The following ANO4 variants were observed in gnomAD, a reference collection of about 807,000 sequenced individuals.
ANO4 encodes anoctamin 4.
Under a neutral mutation model 141.9 loss-of-function variants are expected in ANO4, and 69 were observed. The observed-to-expected ratio is 0.49, with a 90% CI of 0.40 to 0.59. The LOEUF (loss-of-function observed/expected upper bound fraction) is 0.59. Ranked by LOEUF, ANO4 falls within the 20% of genes least tolerant of loss-of-function variation. The pLI is 0.00. For missense variants in ANO4, 894 were observed against 1,162.2 expected, an observed-to-expected ratio of 0.77 and a Z score of 3.36; for synonymous variants, 350 against 394.3, an observed-to-expected ratio of 0.89 and a Z score of 1.33.
At chr12:100,880,601 C>T (rs2039517651) in intron 1 of ANO4, among the ~76,000 whole-genome samples, 2 of 152,262 alleles carry the variant, frequency 1.3e-5, no homozygotes, top group South Asian at 2.1e-4. Context: ...ACTTCATTCT[C>T]ACTTTAAATC....
chr12:100,997,484 T>G (rs1466170563), intron 8 of ANO4, among the ~76,000 whole-genome samples: 2 of 151,912 alleles, frequency 1.3e-5, no homozygotes, highest in African/African-American at 2.4e-5. Context: ...TGGAATTTAT[T>G]GTTAAAGCAT....
chr12:100,808,139 A>T (rs1292581033), intron 1 of ANO4, among the ~76,000 whole-genome samples: 2 of 152,184 alleles, frequency 1.3e-5, no homozygotes, highest in Admixed American at 6.5e-5. Context: ...AGGAATCGCC[A>T]CACTGACTTC....
chr12:100,926,668 T>C (rs570032077), intron 3 of ANO4, among the ~76,000 whole-genome samples: 2 of 152,088 alleles, frequency 1.3e-5, no homozygotes, highest in East Asian at 3.9e-4. Context: ...CCTTCCTCTC[T>C]ATTCTCACCC....
intron 1 of ANO4, among the ~76,000 whole-genome samples, chr12:100,834,961 AAGG>A (rs879920281): frequency 6.6e-6 from 1 of 152,106 alleles, no homozygotes; most frequent in Non-Finnish European, 1.5e-5. Flanking sequence ...GAGTGGAATG[AAGG>A]AGAAGGAAAG....
At chr12:100,719,920 A>G (rs1395810742) in intron 1 of ANO4, among the ~76,000 whole-genome samples, 1 of 152,184 alleles carries the variant, frequency 6.6e-6, no homozygotes, top group Non-Finnish European at 1.5e-5. Context: ...GATTAGGGTA[A>G]TCAGTAACTG....
At chr12:100,966,617 A>T (rs891980294) in intron 5 of ANO4, among the ~76,000 whole-genome samples, 1 of 152,060 alleles carries the variant, frequency 6.6e-6, no homozygotes, top group African/African-American at 2.4e-5. Context: ...CCCACAAGAC[A>T]TCTTCTCCTG....
At chr12:101,019,629 T>C (rs542073173) in intron 8 of ANO4, among the ~76,000 whole-genome samples, 1 of 152,224 alleles carries the variant, frequency 6.6e-6, no homozygotes, top group East Asian at 1.9e-4. Context: ...TTTTATATCT[T>C]AAAATTTCTG....
At chr12:100,872,391 C>G (rs2039078826) in intron 1 of ANO4, among the ~76,000 whole-genome samples, 1 of 152,162 alleles carries the variant, frequency 6.6e-6, no homozygotes, top group Non-Finnish European at 1.5e-5. Context: ...AACGTGATCT[C>G]AAGATCAGCT....
At chr12:101,101,580 C>T (rs1239440697) in intron 22 of ANO4, among the ~76,000 whole-genome samples, 1 of 152,016 alleles carries the variant, frequency 6.6e-6, no homozygotes, top group African/African-American at 2.4e-5. Flanking sequence ...CCATCAATCC[C>T]TCAACCCTCC....
intron 1 of ANO4, among the ~76,000 whole-genome samples, chr12:100,885,292 A>G (rs532181964): frequency 6.6e-6 from 1 of 152,282 alleles, no homozygotes; most frequent in African/African-American, 2.4e-5. Context: ...CTACCACACA[A>G]CCGACATTCA....
intron 2 of ANO4, among the ~76,000 whole-genome samples, chr12:100,912,392 CAAAA>C (rs35934592): frequency 1.5e-5 from 1 of 67,358 alleles, no homozygotes; most frequent in Non-Finnish European, 2.9e-5. Context: ...AGGACTCTGT[CAAAA>C]AAAAAAAAAA....
At chr12:100,744,181 A>G (rs926386562) in intron 3 of ANO4, among the ~76,000 whole-genome samples, 13 of 152,224 alleles carry the variant, frequency 8.5e-5, no homozygotes, top group African/African-American at 3.1e-4. Context: ...ATCAAAACTT[A>G]TATATCCCGA....
At position 100,786,353 on chromosome 12, in the gene ANO4, T is replaced by TGG. The variant is rs147712570; in HGVS notation, c.358+46254_358+46255dup. ...TAACTTCCTGTGAGGTAGGAAAAGG[T>TGG]GGGGGGGAATTAAATAATCCTCAAG... On this transcript the variant is annotated intron_variant, in intron 3 of 29. Transcript: ENST00000644049. Among the ~76,000 whole-genome samples the TGG allele has an allele frequency of 4.8e-3, 734 of 152,062 alleles. 7 individuals carry two copies. Among genetic ancestry groups the TGG allele is most frequent in the African/African-American group, 0.015 (608 of 41,484 alleles).
In ANO4 at chr12:100,824,006, A is replaced by G. The variant is rs535039763; in HGVS notation, c.-141+28979A>G. 3.3e-5 allele frequency among the ~76,000 whole-genome samples: 5 copies of G among 151,938 alleles called. No homozygotes were observed. The South Asian group carries it at 1.0e-3, about 31-fold the overall frequency. On this transcript the variant is annotated intron_variant, in intron 1 of 27. Coordinates refer to ENST00000392977, the MANE Select transcript of ANO4 (RefSeq NM_001286615.2). ...AATCTTATTTATAAAAAGTGCCATT[A>G]AAAGATAATCCCTTCTAATGTTGCT...
At chr12:101,094,367 A>G in intron 18 of ANO4, 75 bp downstream of exon 18, 1 of 1,216,814 alleles carries the variant, frequency 8.2e-7, no homozygotes, top group South Asian at 1.6e-5. Context: ...CCTTTCTCTA[A>G]TACTGCTGGA....
intron 2 of ANO4, 69 bp from the exon 3 acceptor site, chr12:100,922,157 C>A: frequency 8.6e-7 from 1 of 1,166,052 alleles, no homozygotes; most frequent in Non-Finnish European, 1.2e-6. Context: ...CATAGCTTCT[C>A]CTTGGGACCC....
intron 16 of ANO4, among the ~76,000 whole-genome samples, chr12:101,084,486 A>C (rs1423231907): frequency 6.6e-6 from 1 of 152,218 alleles, no homozygotes; most frequent in Non-Finnish European, 1.5e-5. Flanking sequence ...TCATTTTAGA[A>C]CAGTAAAGGA....
At chr12:100,854,270 A>C (rs2038045901) in intron 1 of ANO4, among the ~76,000 whole-genome samples, 1 of 152,108 alleles carries the variant, frequency 6.6e-6, no homozygotes, top group Non-Finnish European at 1.5e-5. Context: ...GAAGTCTGTC[A>C]ATGTAATTAT....
intron 1 of ANO4, among the ~76,000 whole-genome samples, chr12:100,809,816 G>C (rs1387596616): frequency 6.6e-6 from 1 of 152,228 alleles, no homozygotes; most frequent in Admixed American, 6.5e-5. Context: ...GAAGGGTATG[G>C]GTATAAAATC....
Sources: gnomAD v4.1 joint callset for allele counts (sites outside exome capture counted in the v4.1 genomes callset) on GRCh38, gnomAD v4.1.1 for gene constraint, MANE v1.5 for transcripts, NCBI Gene and HGNC (gene_info 2026-07-23, HGNC 2026-07-21) for gene names.